ELMO1: variants seen among roughly 807,000 people sequenced by gnomAD.
ELMO1 encodes engulfment and cell motility protein 1.
A neutral mutation model predicts 98.9 loss-of-function variants in ELMO1; 26 were observed. That is an observed-to-expected ratio of 0.26 (90% confidence interval 0.19 to 0.36). The LOEUF (loss-of-function observed/expected upper bound fraction) is 0.36, where lower values mean the gene tolerates loss of function less well. Among genes scored for constraint, ELMO1 ranks in the 10% least tolerant of loss-of-function variants. The pLI is 1.00. For synonymous variants in ELMO1, 346 were observed against 346.0 expected, an observed-to-expected ratio of 1.00 and a Z score of 0.00; for missense variants, 627 against 935.2, an observed-to-expected ratio of 0.67 and a Z score of 4.30.
At chr7:37,193,100 T>C (rs1438059542) in intron 13 of ELMO1, among the ~76,000 whole-genome samples, 3 of 151,160 alleles carry the variant, frequency 2.0e-5, no homozygotes, top group African/African-American at 7.3e-5. Context: ...GACCCAAAAA[T>C]GGAATTTTTG....
intron 2 of ELMO1, among the ~76,000 whole-genome samples, chr7:37,335,129 T>C (rs2700994): frequency 0.46 from 70,451 of 151,884 alleles, 17,131 homozygotes; most frequent in Non-Finnish European, 0.56. Context: ...ACGTTACGTG[T>C]GAAATATATT....
chr7:37,256,729 AGGG>A (rs1795679182), intron 6 of ELMO1, among the ~76,000 whole-genome samples: 1 of 36,010 alleles, frequency 2.8e-5, no homozygotes, highest in Non-Finnish European at 4.2e-5. Context: ...GGCAGGGGGA[AGGG>A]AAGGGAAGGG....
At chr7:37,371,838 G>A (rs1384247824) in intron 1 of ELMO1, among the ~76,000 whole-genome samples, 1 of 152,210 alleles carries the variant, frequency 6.6e-6, no homozygotes. Context: ...CCCCTGATGA[G>A]TTGCGAAGAG....
intron 6 of ELMO1, among the ~76,000 whole-genome samples, chr7:37,252,600 A>C (rs1795413560): frequency 6.6e-6 from 1 of 152,224 alleles, no homozygotes. Context: ...TTAAAGACTT[A>C]AACGTAAGAC....
At chr7:37,344,101 A>G (rs1800867890) in intron 1 of ELMO1, among the ~76,000 whole-genome samples, 1 of 143,580 alleles carries the variant, frequency 7.0e-6, no homozygotes, top group African/African-American at 2.6e-5. Context: ...GCATGATCTC[A>G]GCTCAAGGCA....
chr7:37,218,121 G>A (rs1793400009), intron 10 of ELMO1, among the ~76,000 whole-genome samples: 1 of 152,016 alleles, frequency 6.6e-6, no homozygotes, highest in East Asian at 1.9e-4. Flanking sequence ...TAGACCAGAT[G>A]ACAAATAAAA....
At chr7:37,135,225 G>A (rs1787189901) in intron 13 of ELMO1, among the ~76,000 whole-genome samples, 1 of 152,114 alleles carries the variant, frequency 6.6e-6, no homozygotes, top group South Asian at 2.1e-4. Flanking sequence ...TCCTGAAAAT[G>A]CACATCTGCC....
At chr7:37,090,314 C>A (rs774804918) in intron 15 of ELMO1, among the ~76,000 whole-genome samples, 79 of 152,316 alleles carry the variant, frequency 5.2e-4, no homozygotes, top group South Asian at 4.1e-4. Context: ...TGAGCCTGTA[C>A]ACCATCATGC....
intron 16 of ELMO1, among the ~76,000 whole-genome samples, chr7:36,951,770 T>G (rs1026597824): frequency 2.6e-5 from 4 of 152,240 alleles, no homozygotes; most frequent in African/African-American, 9.6e-5. Flanking sequence ...GAGACCACGT[T>G]GCTTTGTTTA....
chr7:37,288,341 CA>C lies in ELMO1; in HGVS notation c.193-16460del, dbSNP rs547290554. Among the ~76,000 whole-genome samples, 29 of 152,318 alleles carry C rather than the reference CA, an allele frequency of 1.9e-4. 1 individual carries two copies. The East Asian group carries it at 5.6e-3, about 29-fold the overall frequency. ...CTGGGTTCAAGCGATTCTCCTGCCT[CA>C]GCCTCCCAAGTAGCTGGAATTACAG... On this transcript the variant is annotated intron_variant, in intron 4 of 21. Transcript: ENST00000310758.
chr7:37,178,346 G>A (rs1206328826), intron 13 of ELMO1, among the ~76,000 whole-genome samples: 1 of 151,666 alleles, frequency 6.6e-6, no homozygotes, highest in East Asian at 1.9e-4. Context: ...AATAGCATGG[G>A]AGAAACTGCC....
chr7:37,267,212 T>C (rs1032401960), intron 5 of ELMO1, among the ~76,000 whole-genome samples: 7 of 152,132 alleles, frequency 4.6e-5, no homozygotes, highest in Non-Finnish European at 8.8e-5. Flanking sequence ...CCCTTCCACA[T>C]ACATAACAGG....
chr7:37,423,542 T>C (rs1418700949), intron 1 of ELMO1, among the ~76,000 whole-genome samples: 1 of 152,170 alleles, frequency 6.6e-6, no homozygotes, highest in Non-Finnish European at 1.5e-5. Flanking sequence ...ATCTTGCCAC[T>C]GCACTCCAGC....
At chr7:36,895,059 CT>C in intron 16 of ELMO1, 42 bp from the exon 17 acceptor site, 1 of 1,603,918 alleles carries the variant, frequency 6.2e-7, no homozygotes, top group Non-Finnish European at 8.5e-7. Context: ...GGGGGCTGAC[CT>C]TTCCCATTCA....
At chr7:37,105,415 C>G (rs1203454260) in intron 14 of ELMO1, among the ~76,000 whole-genome samples, 1 of 152,160 alleles carries the variant, frequency 6.6e-6, no homozygotes. Context: ...GTGTTCCTGG[C>G]CCCAAGGATG....
intron 14 of ELMO1, among the ~76,000 whole-genome samples, chr7:37,103,821 C>T (rs1486860413): frequency 1.3e-5 from 2 of 150,998 alleles, no homozygotes; most frequent in Non-Finnish European, 3.0e-5. Context: ...ACAGTGAAAT[C>T]CCATCTCTAC....
chr7:37,137,573 C>G (rs1336239161), intron 13 of ELMO1, among the ~76,000 whole-genome samples: 1 of 151,814 alleles, frequency 6.6e-6, no homozygotes, highest in Non-Finnish European at 1.5e-5. Context: ...GAGTCTCACT[C>G]TGTCACCAGG....
At chr7:37,308,298 A>G (rs935680250) in intron 4 of ELMO1, among the ~76,000 whole-genome samples, 2 of 152,256 alleles carry the variant, frequency 1.3e-5, no homozygotes, top group African/African-American at 4.8e-5. Context: ...AACCATCTCA[A>G]GGCTTCCCTA....
intron 1 of ELMO1, among the ~76,000 whole-genome samples, chr7:37,387,413 C>T (rs1204006952): frequency 6.6e-6 from 1 of 152,198 alleles, no homozygotes; most frequent in African/African-American, 2.4e-5. Flanking sequence ...AATCTTCATG[C>T]TGTGTTCTTC....
Sources: allele counts gnomAD v4.1 joint callset (sites outside exome capture counted in the v4.1 genomes callset), GRCh38; gene constraint gnomAD v4.1.1; transcripts MANE v1.5; gene names NCBI Gene and HGNC (gene_info 2026-07-23, HGNC 2026-07-21).